SIPA1L1: variants seen among roughly 807,000 people sequenced by gnomAD.
SIPA1L1 encodes the protein signal induced proliferation associated 1 like 1, also known as signal-induced proliferation-associated 1-like protein 1.
A neutral mutation model predicts 162.7 loss-of-function variants in SIPA1L1; 26 were observed. That is an observed-to-expected ratio of 0.16 (90% CI 0.12 to 0.22). The LOEUF (loss-of-function observed/expected upper bound fraction) is 0.22. Among genes scored for constraint, SIPA1L1 ranks in the 10% least tolerant of loss-of-function variants. SIPA1L1 has a pLI of 1.00. For synonymous variants in SIPA1L1, 829 were observed against 837.4 expected, an observed-to-expected ratio of 0.99 and a Z score of 0.17; for missense variants, 1,874 against 2,241.0, an observed-to-expected ratio of 0.84 and a Z score of 3.31.
At chr14:71,418,080 T>G (rs945889728) in intron 2 of SIPA1L1, 9 of 152,210 alleles carry the variant, frequency 5.9e-5, no homozygotes, top group Middle Eastern at 3.2e-3. Flanking sequence ...CTTTTTCTCT[T>G]CAGTAGGAAC....
chr14:71,328,814 A>T (rs766330460), intron 2 of SIPA1L1, among the ~76,000 whole-genome samples: 1 of 152,186 alleles, frequency 6.6e-6, no homozygotes, highest in Non-Finnish European at 1.5e-5. Context: ...GACCATTTCA[A>T]CCATTTTTAA....
In SIPA1L1 at chr14:71,542,493, T is replaced by G. The variant is rs111068010; in HGVS notation, c.-303+13123T>G. Among the ~76,000 whole-genome samples, 1,009 of 149,448 alleles carry G rather than the reference T, an allele frequency of 6.8e-3. 9 individuals carry two copies. The highest frequency in any genetic ancestry group is 0.019 in the African/African-American group (768 of 40,326). ...TGCTTCTGCTTCTGCTTCTTCTGCT[T>G]CTTCTCCTCGTCGTCCTTCCTCTTC... is the stretch of plus-strand genomic sequence containing the variant. On this transcript the variant is annotated intron_variant, in intron 4 of 23. Coordinates refer to ENST00000381232, the MANE Select transcript of SIPA1L1 (RefSeq NM_001386936.1).
chr14:71,560,984 T>C (rs1460334565), intron 4 of SIPA1L1, among the ~76,000 whole-genome samples: 1 of 152,152 alleles, frequency 6.6e-6, no homozygotes, highest in African/African-American at 2.4e-5. Context: ...AAGTATATGA[T>C]GAAATGGGAA....
At chr14:71,373,257 G>A (rs2141044265) in intron 2 of SIPA1L1, among the ~76,000 whole-genome samples, 1 of 149,676 alleles carries the variant, frequency 6.7e-6, no homozygotes, top group South Asian at 2.1e-4. Context: ...GTTGCAGTGA[G>A]CCGAGATCAC....
intron 22 of SIPA1L1, among the ~76,000 whole-genome samples, chr14:71,737,840 A>T (rs1339086238): frequency 6.6e-6 from 1 of 152,006 alleles, no homozygotes; most frequent in Non-Finnish European, 1.5e-5. Flanking sequence ...CTTCCCACAC[A>T]CAGGGGAGTA....
rs1175089108 is a variant in SIPA1L1 at position 71,377,115 on chromosome 14, A to G, written c.-465+55934A>G. Among the ~76,000 whole-genome samples, 2 of 149,320 alleles carry G rather than the reference A, an allele frequency of 1.3e-5. No homozygotes were observed. Among genetic ancestry groups the G allele is most frequent in the African/African-American group, 2.5e-5 (1 of 40,270 alleles). Reference sequence around the variant, plus strand: ...CACTTTCCAGATGTGGCGGCCGGGCAGAGGGGCCCCCCCACCCCCCAGATG... The same window carrying G: ...CACTTTCCAGATGTGGCGGCCGGGCGGAGGGGCCCCCCCACCCCCCAGATG... On this transcript the variant is annotated intron_variant, in intron 2 of 23. Coordinates refer to ENST00000381232, the MANE Select transcript of SIPA1L1 (RefSeq NM_001386936.1). This position sits in a 1 kb window ranked among gnomAD's most constrained non-coding sequence, Gnocchi z 4.8.
Position 71,546,376 on chromosome 14 carries a change from C to CTTTTTTTTTTTTT in SIPA1L1, c.-303+17011_-303+17023dup, listed in dbSNP as rs11480749. 1.4e-4 allele frequency among the ~76,000 whole-genome samples: 16 copies of CTTTTTTTTTTTTT among 116,936 alleles called. 1 individual carries two copies. Among genetic ancestry groups the CTTTTTTTTTTTTT allele is most frequent in the Non-Finnish European group, 1.8e-4 (11 of 60,568 alleles). The allele number at this position is 116,936 out of a possible 152,430, so 76.7% of individuals were successfully genotyped here. A position where few individuals can be genotyped will look rare whatever the true frequency, so the allele number is the denominator to read the frequency against. ...TCTGTATTGTTTTTTCTTTTTCTTT[C>CTTTTTTTTTTTTT]TTTTTTTTTTTTTTTTTGAGATGGA... is the stretch of plus-strand genomic sequence containing the variant. On this transcript the variant is annotated intron_variant, in intron 4 of 23. Coordinates refer to ENST00000381232, the MANE Select transcript of SIPA1L1 (RefSeq NM_001386936.1).
At position 71,634,055 on chromosome 14, in the gene SIPA1L1, A is replaced by G. The variant is rs529501836; in HGVS notation, c.1818+9819A>G. Among the ~76,000 whole-genome samples, 50 of 150,818 alleles carry G rather than the reference A, an allele frequency of 3.3e-4. 1 individual carries two copies. The highest frequency in any genetic ancestry group is 1.6e-4 in the Non-Finnish European group (11 of 67,448). On this transcript the variant is annotated intron_variant, in intron 7 of 23. Transcript: ENST00000381232. Reference sequence around the variant, plus strand: ...ATAGTAAAATTTTTGAACACTAAATACAAAAAAAAAAAAAACTTGAAAGAA... The same window carrying G: ...ATAGTAAAATTTTTGAACACTAAATGCAAAAAAAAAAAAAACTTGAAAGAA...
chr14:71,502,255 A>AAAATATATATATATATATAT (rs67020418), intron 2 of SIPA1L1, among the ~76,000 whole-genome samples: 11 of 97,552 alleles, frequency 1.1e-4, no homozygotes, highest in African/African-American at 2.7e-4. Flanking sequence ...AAAAAAAAAA[A>AAAATATATATATATATATAT]ATATATATAT....
chr14:71,659,586 A>G (rs1472613338), intron 9 of SIPA1L1, among the ~76,000 whole-genome samples: 1 of 152,220 alleles, frequency 6.6e-6, no homozygotes, highest in Non-Finnish European at 1.5e-5. Context: ...TAATAAACTT[A>G]TTCTGACCAG....
intron 2 of SIPA1L1, 151 bp downstream of exon 2, chr14:71,321,332 G>T (rs1170423969): frequency 6.6e-6 from 1 of 152,414 alleles, no homozygotes; most frequent in African/African-American, 2.4e-5. Flanking sequence ...TTGGTGGCTT[G>T]CTGGTAGCTT....
chr14:71,405,450 G>A (rs2041970690), intron 2 of SIPA1L1, among the ~76,000 whole-genome samples: 1 of 152,140 alleles, frequency 6.6e-6, no homozygotes, highest in Non-Finnish European at 1.5e-5. Flanking sequence ...TAATGTTGGG[G>A]GACAGTTCTC....
intron 2 of SIPA1L1, among the ~76,000 whole-genome samples, chr14:71,497,252 C>T (rs1177005910): frequency 6.6e-6 from 1 of 152,044 alleles, no homozygotes; most frequent in Non-Finnish European, 1.5e-5. Context: ...GCTATATTGC[C>T]CAGGCTGGTC....
chr14:71,737,959 C>T (rs1445552769), intron 22 of SIPA1L1, among the ~76,000 whole-genome samples: 2 of 152,128 alleles, frequency 1.3e-5, no homozygotes, highest in African/African-American at 4.8e-5. Flanking sequence ...CCAAAGAGAC[C>T]ATTTTCACTA....
chr14:71,435,672 G>A (rs549299949), intron 2 of SIPA1L1, among the ~76,000 whole-genome samples: 1 of 152,266 alleles, frequency 6.6e-6, no homozygotes, highest in East Asian at 1.9e-4. Flanking sequence ...ATGATTTATA[G>A]TCCTTTGGGT....
intron 3 of SIPA1L1, among the ~76,000 whole-genome samples, chr14:71,521,498 T>C (rs2052349961): frequency 6.6e-6 from 1 of 152,216 alleles, no homozygotes; most frequent in African/African-American, 2.4e-5. Flanking sequence ...GAAGGTCTTA[T>C]GACCTACTTC....
At chr14:71,635,985 G>C (rs915296931) in intron 7 of SIPA1L1, among the ~76,000 whole-genome samples, 4 of 152,148 alleles carry the variant, frequency 2.6e-5, no homozygotes, top group East Asian at 1.9e-4. Context: ...ATTGCATAAT[G>C]ATGAAGAGGT....
At chr14:71,592,737 T>C (rs915221417) in intron 5 of SIPA1L1, among the ~76,000 whole-genome samples, 4 of 152,244 alleles carry the variant, frequency 2.6e-5, no homozygotes, top group Non-Finnish European at 5.9e-5. Context: ...TTTATTATTA[T>C]GTTGTTTTTA....
At chr14:71,721,486 G>A (rs1241509487) in intron 17 of SIPA1L1, among the ~76,000 whole-genome samples, 4 of 152,184 alleles carry the variant, frequency 2.6e-5, no homozygotes, top group African/African-American at 7.2e-5. Context: ...TAGTCAGCAG[G>A]TGGTGAATCC....
Sources: allele counts gnomAD v4.1 joint callset (sites outside exome capture counted in the v4.1 genomes callset), GRCh38; gene constraint gnomAD v4.1.1; non-coding constraint Gnocchi (gnomAD v3.1); transcripts MANE v1.5; gene names NCBI Gene and HGNC (gene_info 2026-07-23, HGNC 2026-07-21).